ST7: variants seen among roughly 807,000 people sequenced by gnomAD.
The protein encoded by ST7 is suppressor of tumorigenicity 7 protein.
Under a neutral mutation model 78.7 loss-of-function variants are expected in ST7, and 28 were observed. That is an observed-to-expected ratio of 0.36 (90% CI 0.26 to 0.49). The LOEUF is 0.49. Among genes scored for constraint, ST7 ranks in the 20% least tolerant of loss-of-function variants. The probability of loss-of-function intolerance (pLI) is 0.99; values close to 1 mark genes in which losing one functional copy is unlikely to be tolerated. For synonymous variants in ST7, 247 were observed against 249.6 expected (o/e 0.99, Z 0.10); for missense variants, 418 against 696.0 (o/e 0.60, Z 4.49).
In ST7 at chr7:117,148,901, T is replaced by G. The variant is rs73211911; in HGVS notation, c.963+10369T>G. On this transcript the variant is annotated intron_variant, in intron 9 of 15. Transcript: ENST00000323984. ...GCAGAAGCCAGTGAAGTTGTTGATT[T>G]CTAGGGTAAGCAGAGAGGTGATCAC... 8.9e-3 allele frequency among the ~76,000 whole-genome samples: 1,353 copies of G among 152,166 alleles called. 13 individuals carry two copies. Among genetic ancestry groups the G allele is most frequent in the Admixed American group, 0.018 (268 of 15,280 alleles).
At chr7:117,144,573 C>T (rs906462030) in intron 9 of ST7, among the ~76,000 whole-genome samples, 2 of 149,030 alleles carry the variant, frequency 1.3e-5, no homozygotes, top group Admixed American at 1.3e-4. Flanking sequence ...GTCAAGGCTG[C>T]AGTGAGCTGT....
At chr7:117,016,438 C>T (rs1795620019) in intron 1 of ST7, among the ~76,000 whole-genome samples, 1 of 152,158 alleles carries the variant, frequency 6.6e-6, no homozygotes, top group African/African-American at 2.4e-5. Context: ...CCACAAAGAA[C>T]ACCATCATTG....
chr7:117,140,572 C>T lies in ST7; in HGVS notation c.963+2040C>T, dbSNP rs10254122. Among the ~76,000 whole-genome samples, 151 of 152,018 alleles carry T rather than the reference C, an allele frequency of 9.9e-4. 1 individual carries two copies. The highest frequency in any genetic ancestry group is 3.4e-3 in the African/African-American group (141 of 41,474). On this transcript the variant is annotated intron_variant, in intron 9 of 15. Coordinates refer to ENST00000323984, the MANE Select transcript of ST7 (RefSeq NM_001369598.1). The stretch of plus-strand genomic sequence containing the variant: ...GACCATTCTCCTGATGGACATTTTA[C>T]GATATTTCTAATTTATTTTTCTTGA...
chr7:117,022,336 C>T (rs144037957), intron 1 of ST7, among the ~76,000 whole-genome samples: 252 of 152,254 alleles, frequency 1.7e-3, no homozygotes, highest in Admixed American at 3.5e-3. Flanking sequence ...TTCGTACTGT[C>T]AGTGGATATC....
intron 1 of ST7, among the ~76,000 whole-genome samples, chr7:117,043,606 A>T (rs1797341419): frequency 6.6e-6 from 1 of 152,184 alleles, no homozygotes; most frequent in African/African-American, 2.4e-5. Context: ...AACCAATGGA[A>T]GCTTGTCATA....
At position 117,137,755 on chromosome 7, in the gene ST7, T is replaced by C. The variant is rs74873944; in HGVS notation, c.866-680T>C. On this transcript the variant is annotated intron_variant, in intron 8 of 15. Transcript: ENST00000323984. ...AAGCACATGCATGTTCTCATTGGTC[T>C]GAAAACATATCCAACAAGACATATA... Among the ~76,000 whole-genome samples the C allele has an allele frequency of 1.6e-4, 24 of 152,324 alleles. No individual in the cohort carries two copies. The East Asian group carries it at 3.7e-3, about 23-fold the overall frequency.
At chr7:117,025,413 G>A (rs1334896847) in intron 1 of ST7, among the ~76,000 whole-genome samples, 1 of 152,056 alleles carries the variant, frequency 6.6e-6, no homozygotes, top group Non-Finnish European at 1.5e-5. Context: ...ATGAAACTAG[G>A]TAATTTAGGA....
At chr7:117,098,570 A>T (rs1278233297) in intron 1 of ST7, 2 of 274,840 alleles carry the variant, frequency 7.3e-6, no homozygotes. Flanking sequence ...ACTGTGTCTG[A>T]TTCATTCTTT....
In ST7 at chr7:117,130,471, A is replaced by C. The variant is rs373914871; in HGVS notation, c.450-20A>C. ...TTTTCTCTCTCAAAAGTGTCTAATC[A>C]TCTTATTTCTCCTTTGCAGGTATAC... On this transcript the variant is annotated intron_variant, in intron 4 of 15. Transcript: ENST00000323984. 890 of 1,569,016 alleles carry C rather than the reference A, an allele frequency of 5.7e-4. 5 individuals carry two copies. The South Asian group carries it at 6.4e-3, about 11-fold the overall frequency.
At chr7:117,142,540 G>A (rs190875108) in intron 9 of ST7, among the ~76,000 whole-genome samples, 50 of 152,056 alleles carry the variant, frequency 3.3e-4, no homozygotes, top group African/African-American at 1.1e-3. Flanking sequence ...AAATCATCCC[G>A]CATTAAGAAC....
At chr7:116,969,800 G>T (rs778387048) in intron 1 of ST7, among the ~76,000 whole-genome samples, 1 of 152,196 alleles carries the variant, frequency 6.6e-6, no homozygotes, top group Non-Finnish European at 1.5e-5. Context: ...AAGCAGCTGG[G>T]CATGGTGGTT....
chr7:117,166,862 C>A (rs1807596732), intron 9 of ST7, among the ~76,000 whole-genome samples: 1 of 150,494 alleles, frequency 6.6e-6, no homozygotes, highest in South Asian at 2.1e-4. Flanking sequence ...GCGCTCCAGA[C>A]TGGGTGACAG....
intron 1 of ST7, among the ~76,000 whole-genome samples, chr7:116,980,408 A>T (rs934612571): frequency 1.3e-5 from 2 of 152,064 alleles, no homozygotes; most frequent in African/African-American, 4.8e-5. Flanking sequence ...AATATACCCT[A>T]TTGGCTCCTT....
At chr7:117,052,409 G>T (rs777867638) in intron 1 of ST7, among the ~76,000 whole-genome samples, 3 of 152,006 alleles carry the variant, frequency 2.0e-5, no homozygotes, top group Non-Finnish European at 2.9e-5. Context: ...TTATATCTTT[G>T]CAACTTTCAG....
chr7:117,122,620 T>G (rs1803491985), intron 3 of ST7, among the ~76,000 whole-genome samples: 1 of 152,242 alleles, frequency 6.6e-6, no homozygotes, highest in Non-Finnish European at 1.5e-5. Flanking sequence ...GCATTTATTT[T>G]CTGGTATCAT....
intron 9 of ST7, among the ~76,000 whole-genome samples, chr7:117,161,394 A>C (rs1807129574): frequency 6.6e-6 from 1 of 152,004 alleles, no homozygotes; most frequent in African/African-American, 2.4e-5. Context: ...GTAACAAATT[A>C]ATTAGTTAAA....
At chr7:117,218,187 A>C (rs148690309) in intron 13 of ST7, among the ~76,000 whole-genome samples, 535 of 152,334 alleles carry the variant, frequency 3.5e-3, no homozygotes, top group African/African-American at 0.012. Context: ...ACTACCATAC[A>C]TGAAGGCAAG....
intron 1 of ST7, among the ~76,000 whole-genome samples, chr7:117,097,832 ATATATATATATG>A (rs1181074693): frequency 7.8e-6 from 1 of 128,466 alleles, no homozygotes; most frequent in East Asian, 2.2e-4. Flanking sequence ...CTATATATAT[ATATATATATATG>A]TATGACATAT....
chr7:117,096,592 C>T lies in ST7; in HGVS notation c.152-3170C>T, dbSNP rs1203968485. ...GCTTGGGGGCAGGTTGACTGGCATTCAGGTCTTTGCTCAGCCTCCAGCCGC... is the reference window on the plus strand; with the variant it reads ...GCTTGGGGGCAGGTTGACTGGCATTTAGGTCTTTGCTCAGCCTCCAGCCGC... On this transcript the variant is annotated intron_variant, in intron 1 of 15. Coordinates refer to ENST00000323984, the MANE Select transcript of ST7 (RefSeq NM_001369598.1). Among the ~76,000 whole-genome samples, 32 of 152,216 alleles carry T rather than the reference C, an allele frequency of 2.1e-4. 1 individual carries two copies. Among genetic ancestry groups the T allele is most frequent in the Non-Finnish European group, 1.0e-4 (7 of 68,050 alleles).
Sources: gnomAD v4.1 joint callset for allele counts (sites outside exome capture counted in the v4.1 genomes callset) on GRCh38, gnomAD v4.1.1 for gene constraint, MANE v1.5 for transcripts, NCBI Gene and HGNC (gene_info 2026-07-23, HGNC 2026-07-21) for gene names.